The following SCFD2 variants were observed in gnomAD, a reference collection of about 807,000 sequenced individuals.
The protein encoded by SCFD2 is sec1 family domain-containing protein 2.
In SCFD2, 54 loss-of-function variants were observed where a neutral mutation model predicts 58.9. That is an observed-to-expected ratio of 0.92 (90% CI 0.74 to 1.15). The LOEUF (loss-of-function observed/expected upper bound fraction) is 1.15. Among genes scored for constraint, SCFD2 ranks in the 50% most tolerant of loss-of-function variants. SCFD2 has a pLI of 0.00. For synonymous variants in SCFD2, 321 were observed against 335.9 expected (o/e 0.96, Z 0.49); for missense variants, 805 against 836.6 (o/e 0.96, Z 0.47).
chr4:52,948,406 G>A (rs1027427524), intron 5 of SCFD2: 8 of 418,216 alleles, frequency 1.9e-5, no homozygotes, highest in African/African-American at 4.1e-5. Context: ...CTGGACTCAC[G>A]AGCTAGCAAC....
At chr4:52,903,386 G>A (rs559603283) in intron 7 of SCFD2, among the ~76,000 whole-genome samples, 1 of 152,244 alleles carries the variant, frequency 6.6e-6, no homozygotes, top group South Asian at 2.1e-4. Context: ...CTCCTTTGAG[G>A]GTCACTGGAG....
intron 2 of SCFD2, among the ~76,000 whole-genome samples, chr4:53,339,612 A>C (rs1219633586): frequency 6.6e-6 from 1 of 152,020 alleles, no homozygotes; most frequent in African/African-American, 2.4e-5. Flanking sequence ...CTACTAAAAA[A>C]CATAAAAGTT....
At chr4:53,209,488 T>C (rs182177568) in intron 4 of SCFD2, among the ~76,000 whole-genome samples, 62 of 152,270 alleles carry the variant, frequency 4.1e-4, no homozygotes, top group South Asian at 3.9e-3. Flanking sequence ...TGGGTATTCC[T>C]TCCTATAGTG....
chr4:52,952,844 T>C (rs530557630), intron 5 of SCFD2, among the ~76,000 whole-genome samples: 185 of 152,230 alleles, frequency 1.2e-3, no homozygotes, highest in African/African-American at 4.3e-3. Context: ...TTTTCCCAGA[T>C]AAAAATAGAA....
chr4:53,169,781 T>C (rs184925603), intron 4 of SCFD2, among the ~76,000 whole-genome samples: 400 of 152,320 alleles, frequency 2.6e-3, no homozygotes, highest in African/African-American at 9.2e-3. Context: ...TTCCTAATGA[T>C]TAGTGATTTG....
intron 4 of SCFD2, among the ~76,000 whole-genome samples, chr4:53,165,276 G>T (rs903483070): frequency 6.6e-6 from 1 of 152,160 alleles, no homozygotes; most frequent in Non-Finnish European, 1.5e-5. Context: ...ACGTGTGCAC[G>T]CACTGTCTCT....
chr4:53,274,057 A>G, intron 3 of SCFD2, 56 bp from the exon 4 acceptor site: 2 of 1,409,048 alleles, frequency 1.4e-6, no homozygotes, highest in Non-Finnish European at 1.9e-6. Flanking sequence ...ACAAATAATG[A>G]GAAGGATTCC....
chr4:53,290,991 G>A (rs1279978795), intron 3 of SCFD2, among the ~76,000 whole-genome samples: 3 of 151,970 alleles, frequency 2.0e-5, no homozygotes, highest in Non-Finnish European at 2.9e-5. Flanking sequence ...AGAACCAGAC[G>A]GCTTCATGGC....
At chr4:53,353,272 C>T (rs1734289656) in intron 1 of SCFD2, among the ~76,000 whole-genome samples, 1 of 151,968 alleles carries the variant, frequency 6.6e-6, no homozygotes, top group African/African-American at 2.4e-5. Flanking sequence ...TCGTTCCTCT[C>T]CTCTGGGGTT....
chr4:53,075,803 G>A (rs1371899476), intron 5 of SCFD2, among the ~76,000 whole-genome samples: 1 of 152,054 alleles, frequency 6.6e-6, no homozygotes, highest in East Asian at 1.9e-4. Flanking sequence ...ACTGATCACA[G>A]ATCACAATGA....
chr4:52,974,392 C>G (rs1032815715), intron 5 of SCFD2, among the ~76,000 whole-genome samples: 16 of 152,044 alleles, frequency 1.1e-4, no homozygotes, highest in Non-Finnish European at 2.2e-4. Flanking sequence ...AAACAGAGAG[C>G]CAAATCATGA....
chr4:53,253,440 G>A (rs950047720), intron 4 of SCFD2, among the ~76,000 whole-genome samples: 54 of 152,080 alleles, frequency 3.6e-4, no homozygotes, highest in Admixed American at 2.7e-3. Context: ...ACATGCACAC[G>A]TATGTTTATT....
Position 53,128,561 on chromosome 4 carries a change from G to T in SCFD2, c.1561+16772C>A, listed in dbSNP as rs142429601. Among the ~76,000 whole-genome samples the T allele has an allele frequency of 1.6e-3, 243 of 152,142 alleles. 1 individual carries two copies. Among genetic ancestry groups the T allele is most frequent in the African/African-American group, 5.7e-3 (236 of 41,504 alleles). ...ATGTGCATGTTTTCTGATTTCTCTC[G>T]GAGAGCTGTAAGGTTCGGAGGGGAG... On this transcript the variant is annotated intron_variant, in intron 5 of 8. Coordinates refer to ENST00000401642, the MANE Select transcript of SCFD2 (RefSeq NM_152540.4).
At chr4:52,994,583 T>A (rs1721697578) in intron 5 of SCFD2, among the ~76,000 whole-genome samples, 4 of 152,120 alleles carry the variant, frequency 2.6e-5, no homozygotes, top group Admixed American at 6.5e-5. Flanking sequence ...AGCCTCATGC[T>A]CCCTTGGACT....
At chr4:53,062,332 A>G (rs1425507270) in intron 5 of SCFD2, among the ~76,000 whole-genome samples, 1 of 151,906 alleles carries the variant, frequency 6.6e-6, no homozygotes, top group Non-Finnish European at 1.5e-5. Context: ...AGATCGTGCC[A>G]CTGCACTCCA....
intron 6 of SCFD2, among the ~76,000 whole-genome samples, chr4:52,918,454 A>G (rs1248284114): frequency 6.6e-6 from 1 of 152,218 alleles, no homozygotes; most frequent in Non-Finnish European, 1.5e-5. Flanking sequence ...CTGTTGTCAC[A>G]AGGCTTACAT....
intron 5 of SCFD2, among the ~76,000 whole-genome samples, chr4:53,089,157 C>G (rs2148864923): frequency 6.6e-6 from 1 of 152,240 alleles, no homozygotes; most frequent in Non-Finnish European, 1.5e-5. Context: ...GCTACCTAGT[C>G]TATGGTAGTT....
chr4:52,972,088 C>G (rs970349264), intron 5 of SCFD2, among the ~76,000 whole-genome samples: 5 of 152,160 alleles, frequency 3.3e-5, no homozygotes, highest in Non-Finnish European at 7.3e-5. Context: ...ACCATCGAGG[C>G]TAGGAAGAAA....
intron 7 of SCFD2, among the ~76,000 whole-genome samples, chr4:52,895,421 G>C (rs1718982422): frequency 6.6e-6 from 1 of 152,114 alleles, no homozygotes. Context: ...AACATGCGGT[G>C]TTTGGTTTTT....
Sources: allele counts gnomAD v4.1 joint callset (sites outside exome capture counted in the v4.1 genomes callset), GRCh38; gene constraint gnomAD v4.1.1; transcripts MANE v1.5; gene names NCBI Gene and HGNC (gene_info 2026-07-23, HGNC 2026-07-21).